Variants in KRT34 observed in about 807,000 individuals in gnomAD.
KRT34 encodes the protein keratin, type I cuticular Ha4.
Under a neutral mutation model 41.7 loss-of-function variants are expected in KRT34, and 31 were observed. The observed-to-expected ratio is 0.74, with a 90% confidence interval of 0.56 to 1.00. The LOEUF (loss-of-function observed/expected upper bound fraction) is 1.00. Among genes scored for constraint, KRT34 ranks in the 50% least tolerant of loss-of-function variants. KRT34 has a pLI of 0.00. For synonymous variants in KRT34, 224 were observed against 212.9 expected, an observed-to-expected ratio of 1.05 and a Z score of -0.45; for missense variants, 523 against 500.3, an observed-to-expected ratio of 1.05 and a Z score of -0.43.
At position 41,381,128 on chromosome 17, in the gene KRT34, G is replaced by T; in HGVS notation, c.516C>A (p.Cys172Ter). The T allele has an allele frequency of 6.2e-7, 1 of 1,614,092 alleles. No homozygotes were observed. Among genetic ancestry groups the T allele is most frequent in the Non-Finnish European group, 8.5e-7 (1 of 1,179,954 alleles). The change falls in exon 3 of 7, where the codon TGC becomes TGA. Residue 172 changes from cysteine to a stop codon, truncating the protein, a stop_gained. Coordinates refer to ENST00000394001, the MANE Select transcript of KRT34 (RefSeq NM_001386014.1). LOFTEE classifies it high-confidence loss of function. ...CCACCTGGGACTCCAGGTCAGACTT[G>T]CAGAGGGTCAGCTCATCCAGGATCC... is the stretch of plus-strand genomic sequence containing the variant. Reference protein sequence around the residue: ...IRRILDELTLCKSDLESQVES... With the variant: ...IRRILDELTL
In KRT34 at chr17:41,381,743, G is replaced by T; in HGVS notation, c.401C>A (p.Ala134Asp). ...NARLVVNIDN[A>D]KLASDDFRSK... ...TCTGAAGTCGTCAGAGGCCAGCTTG[G>T]CATTGTCAATGTTCACCACCAGCCT... is the stretch of plus-strand genomic sequence containing the variant. Residue 134 changes from alanine (A) to aspartate (D), a missense_variant, in exon 2 of 7, where the codon GCC (alanine) becomes GAC (aspartate). Physicochemically the swap from Ala to Asp is moderately radical, Grantham distance 126. Transcript: ENST00000394001. 6.2e-7 allele frequency: 1 copy of T among 1,614,222 alleles called. No homozygotes were observed. Among genetic ancestry groups the T allele is most frequent in the Non-Finnish European group, 8.5e-7 (1 of 1,180,032 alleles).
At position 41,382,252 on chromosome 17, in the gene KRT34, T is replaced by G. The variant is rs546488125; in HGVS notation, c.-6A>C. The G allele has an allele frequency of 1.3e-5, 21 of 1,612,908 alleles. No individual in the cohort carries two copies. In the Middle Eastern group the frequency reaches 8.1e-4, roughly 62 times the overall value. ...AGGCAACAACTGTAAGACATGGTGC[T>G]GGAACAGGTAATGGAAAAGCAGGTA... is the stretch of plus-strand genomic sequence containing the variant. On this transcript the variant is annotated 5_prime_UTR_variant, in exon 1 of 7. Coordinates refer to ENST00000394001, the MANE Select transcript of KRT34 (RefSeq NM_001386014.1).
At chr17:41,382,439 T>TC, upstream of KRT34, 5 of 1,306,390 alleles carry the variant, frequency 3.8e-6, no homozygotes, top group Non-Finnish European at 5.4e-6. Context: ...TTCTAAAGAG[T>TC]CCCCCCTCAA....
rs1041849842 is a variant in KRT34 at position 41,377,769 on chromosome 17, C to A, written c.*290G>T. 5.3e-6 allele frequency: 2 copies of A among 379,972 alleles called. No individual in the cohort carries two copies. The highest frequency in any genetic ancestry group is 3.8e-5 in the East Asian group (1 of 26,180). The allele number at this position is 379,972 out of a possible 1,614,324, so 23.5% of individuals were successfully genotyped here. ...AAGGAAAACAGGAAATGCAGTAGTA[C>A]GTTCAGGAAACACCTTAAGTAGTAA... On this transcript the variant is annotated 3_prime_UTR_variant, in exon 7 of 7. Coordinates refer to ENST00000394001, the MANE Select transcript of KRT34 (RefSeq NM_001386014.1).
chr17:41,382,584 C>T (rs905574542), upstream of KRT34, among the ~76,000 whole-genome samples: 1 of 152,124 alleles, frequency 6.6e-6, no homozygotes, highest in African/African-American at 2.4e-5. Flanking sequence ...GTCTGCATTA[C>T]TCAGAGGGGA....
rs1254149302 is a variant in KRT34 at position 41,382,023 on chromosome 17, C to T, written c.224G>A (p.Arg75His). ...CTCCGCGTTGTCCCGCTCCAGCTGACGCACCTTCTCCAGGTAGCTGGCCAG... is the reference window on the plus strand; with the variant it reads ...CTCCGCGTTGTCCCGCTCCAGCTGATGCACCTTCTCCAGGTAGCTGGCCAG... Reference protein sequence around the residue: ...DRLASYLEKVRQLERDNAELE... With the variant: ...DRLASYLEKVHQLERDNAELE... The change falls in exon 1 of 7, where the codon CGT becomes CAT. Residue 75 changes from arginine to histidine, a missense_variant. Physicochemically the swap from Arg to His is conservative, Grantham distance 29 (BLOSUM62 0). Coordinates refer to ENST00000394001, the MANE Select transcript of KRT34 (RefSeq NM_001386014.1). 9.9e-6 allele frequency: 16 copies of T among 1,614,078 alleles called. No individual in the cohort carries two copies. Among genetic ancestry groups the T allele is most frequent in the Admixed American group, 1.7e-5 (1 of 60,018 alleles).
Position 41,378,969 on chromosome 17 carries a change from T to G in KRT34, c.1084A>C (p.Ser362Arg). 6 of 1,614,132 alleles carry G rather than the reference T, an allele frequency of 3.7e-6. No homozygotes were observed. The highest frequency in any genetic ancestry group is 5.1e-6 in the Non-Finnish European group (6 of 1,180,008). ...EINTYRSLLE[S>R]EDCKLPCNPC... Reference sequence around the variant, plus strand: ...CCCCATACTCACTTGCAGTCCTCACTCTCCAGGAGGCTCCGGTACGTGTTG... The same window carrying G: ...CCCCATACTCACTTGCAGTCCTCACGCTCCAGGAGGCTCCGGTACGTGTTG... Residue 362 changes from serine (S) to arginine (R), a missense_variant, in exon 6 of 7, where the codon AGT becomes CGT. Ser to Arg is a moderately radical substitution (Grantham distance 110). Transcript: ENST00000394001.
rs985770906 is a variant in KRT34 at position 41,381,120 on chromosome 17, T to A, written c.524A>T (p.Asp175Val). ...ILDELTLCKS[D>V]LESQVESLRE... ...CAGGGACTCCACCTGGGACTCCAGG[T>A]CAGACTTGCAGAGGGTCAGCTCATC... is the stretch of plus-strand genomic sequence containing the variant. The change falls in exon 3 of 7, where the codon GAC becomes GTC. Residue 175 changes from aspartate to valine, a missense_variant. Coordinates refer to ENST00000394001, the MANE Select transcript of KRT34 (RefSeq NM_001386014.1). 4.3e-6 allele frequency: 7 copies of A among 1,614,006 alleles called. No individual in the cohort carries two copies. The African/African-American group carries it at 9.3e-5, about 22-fold the overall frequency.
chr17:41,381,891 C>G lies in KRT34; in HGVS notation c.348+8G>C, dbSNP rs770442215. The G allele has an allele frequency of 3.1e-6, 5 of 1,613,676 alleles. No homozygotes were observed. The highest frequency in any genetic ancestry group is 3.4e-6 in the Non-Finnish European group (4 of 1,179,560). ...GCTGCTGGCCCCCCATATGGCCAACCCCCTCACCTTCTGCTGGAGCTCCTC... is the reference window on the plus strand; with the variant it reads ...GCTGCTGGCCCCCCATATGGCCAACGCCCTCACCTTCTGCTGGAGCTCCTC... On this transcript the variant is annotated splice_region_variant and intron_variant, in intron 1 of 6. Coordinates refer to ENST00000394001, the MANE Select transcript of KRT34 (RefSeq NM_001386014.1).
chr17:41,378,897 T>A (rs921017963), intron 6 of KRT34, 59 bp downstream of exon 6: 2 of 1,602,400 alleles, frequency 1.2e-6, no homozygotes, highest in African/African-American at 1.3e-5. Flanking sequence ...CCACCATTTG[T>A]GTGCCTACAA....
chr17:41,378,113 A>G lies in KRT34; in HGVS notation c.1131T>C (p.Ala377=), dbSNP rs762468966. 35 of 1,613,904 alleles carry G rather than the reference A, an allele frequency of 2.2e-5. No individual in the cohort carries two copies. The East Asian group carries it at 4.0e-4, about 18-fold the overall frequency. The part of the protein sequence containing the change: ...LPCNPCATTN[A]SGNSCGPCGT... The stretch of plus-strand genomic sequence containing the variant: ...CACAGGGTCCACAGGAGTTGCCACT[A>G]GCATTGGTGGTGGCGCATGGGTTGC... The change falls in exon 7 of 7, where the codon GCT becomes GCC. Residue 377 remains alanine (A), a synonymous_variant. Transcript: ENST00000394001.
rs139888017 is a variant in KRT34, at chr17:41,379,321, A to G, written c.876+32T>C. 1,891 of 1,612,598 alleles carry G rather than the reference A, an allele frequency of 1.2e-3. 7 individuals carry two copies. Among genetic ancestry groups the G allele is most frequent in the East Asian group, 6.2e-3 (276 of 44,850 alleles). On this transcript the variant is annotated intron_variant, in intron 5 of 6. Coordinates refer to ENST00000394001, the MANE Select transcript of KRT34 (RefSeq NM_001386014.1). ...CCGGGACTCTGCCTCCCAAGTTCCC[A>G]TCGCTCACCAGCAGGTCTGAACAAT...
At position 41,378,987 on chromosome 17, in the gene KRT34, A is replaced by G; in HGVS notation, c.1066T>C (p.Tyr356His). The change falls in exon 6 of 7, where the codon TAC (tyrosine) becomes CAC (histidine). Residue 356 changes from tyrosine (Y) to histidine (H), a missense_variant. Physicochemically the swap from Tyr to His is moderately conservative, Grantham distance 83 (BLOSUM62 2). Transcript: ENST00000394001. ...RARLECEINT[Y>H]RSLLESEDCK... The stretch of plus-strand genomic sequence containing the variant: ...TCCTCACTCTCCAGGAGGCTCCGGT[A>G]CGTGTTGATCTCACACTCCAGCCGG... The G allele has an allele frequency of 6.2e-7, 1 of 1,614,196 alleles. No homozygotes were observed. The highest frequency in any genetic ancestry group is 8.5e-7 in the Non-Finnish European group (1 of 1,180,040).
chr17:41,379,690 G>A lies in KRT34; in HGVS notation c.630C>T (p.Asn210=), dbSNP rs144246640. Residue 210 remains asparagine (N), a synonymous_variant, in exon 4 of 7, where the codon AAC becomes AAT. Transcript: ENST00000394001. ...CAGTGGGGGCAGTGTCCACCTCCAC[G>A]TTGAGGCGGTCTCCAAGCTGGGAGC... ...TLRSQLGDRL[N]VEVDTAPTVD... 3.9e-4 allele frequency: 631 copies of A among 1,613,224 alleles called. 1 individual carries two copies. The highest frequency in any genetic ancestry group is 6.9e-4 in the African/African-American group (52 of 75,024).
rs1218923752 is a variant in KRT34 at position 41,382,122 on chromosome 17, C to T, written c.125G>A (p.Ser42Asn). 1.9e-6 allele frequency: 3 copies of T among 1,612,494 alleles called. No homozygotes were observed. Among genetic ancestry groups the T allele is most frequent in the South Asian group, 2.2e-5 (2 of 91,016 alleles). Residue 42 changes from serine to asparagine, a missense_variant, in exon 1 of 7, where the codon AGC becomes AAC. Physicochemically the swap from Ser to Asn is conservative, Grantham distance 46. Transcript: ENST00000394001. Reference protein sequence around the residue: ...PGACNIPANVSNCNWFCEGSF... With the variant: ...PGACNIPANVNNCNWFCEGSF... The stretch of plus-strand genomic sequence containing the variant: ...GCCCTCACAGAACCAGTTGCAGTTG[C>T]TCACATTGGCGGGGATGTTGCAGGC...
At chr17:41,378,255 G>C in intron 6 of KRT34, 109 bp from the exon 7 acceptor site, 1 of 762,638 alleles carries the variant, frequency 1.3e-6, no homozygotes, top group Non-Finnish European at 2.3e-6. Flanking sequence ...GAGTTAGTTG[G>C]AATCAAGTTC....
chr17:41,379,820 G>T (rs746047981), intron 3 of KRT34, 89 bp from the exon 4 acceptor site: 3 of 1,331,952 alleles, frequency 2.3e-6, no homozygotes, highest in East Asian at 4.7e-5. Flanking sequence ...TGCCCAAAAA[G>T]CACTAAAAGG....
chr17:41,381,688 A>G lies in KRT34; in HGVS notation c.431+25T>C, dbSNP rs144496585. On this transcript the variant is annotated intron_variant, in intron 2 of 6. Coordinates refer to ENST00000394001, the MANE Select transcript of KRT34 (RefSeq NM_001386014.1). The stretch of plus-strand genomic sequence containing the variant: ...AGGTCCCTAGGGCCATGAAAGAACC[A>G]TAGGGACCTTGAAGTTCAACATACT... 816 of 1,602,042 alleles carry G rather than the reference A, an allele frequency of 5.1e-4. 4 individuals are homozygous for G. The African/African-American group carries it at 9.0e-3, about 18-fold the overall frequency.
In KRT34 at chr17:41,381,780, C is replaced by A. The variant is rs1051664964; in HGVS notation, c.364G>T (p.Ala122Ser). The A allele has an allele frequency of 1.2e-5, 20 of 1,614,090 alleles. No homozygotes were observed. The highest frequency in any genetic ancestry group is 1.6e-5 in the Non-Finnish European group (19 of 1,180,040). ...TTCACCACCAGCCTGGCATTCTCAGCCTTGGCACACAGAATCTGAAAAGAA... is the reference window on the plus strand; with the variant it reads ...TTCACCACCAGCCTGGCATTCTCAGACTTGGCACACAGAATCTGAAAAGAA... ...ELQQKILCAK[A>S]ENARLVVNID... Residue 122 changes from alanine (A) to serine (S), a missense_variant, in exon 2 of 7, where the codon GCT becomes TCT. Coordinates refer to ENST00000394001, the MANE Select transcript of KRT34 (RefSeq NM_001386014.1).
Sources: allele counts gnomAD v4.1 joint callset (sites outside exome capture counted in the v4.1 genomes callset), GRCh38; gene constraint gnomAD v4.1.1; transcripts MANE v1.5; gene names NCBI Gene and HGNC (gene_info 2026-07-23, HGNC 2026-07-21).